CIZ1: variants seen among roughly 807,000 people sequenced by gnomAD.
CIZ1 encodes CDKN1A interacting zinc finger protein 1.
CIZ1 carries 58 observed loss-of-function variants against 118.6 expected under a neutral mutation model. The ratio of observed to expected loss-of-function variants is 0.49; its 90% confidence interval spans 0.40 to 0.61. The LOEUF (loss-of-function observed/expected upper bound fraction) is 0.61. Among genes scored for constraint, CIZ1 ranks in the 20% least tolerant of loss-of-function variants. CIZ1 has a pLI of 0.00. For synonymous variants in CIZ1, 448 were observed against 443.4 expected, an observed-to-expected ratio of 1.01 and a Z score of -0.13; for missense variants, 921 against 1,115.9, an observed-to-expected ratio of 0.83 and a Z score of 2.49.
At chr9:128,173,064 G>A (rs1176199237) in intron 11 of CIZ1, among the ~76,000 whole-genome samples, 5 of 150,324 alleles carry the variant, frequency 3.3e-5, no homozygotes, top group Admixed American at 6.6e-5. Flanking sequence ...TCCTGGGCTC[G>A]AGCAATCCTC....
At chr9:128,196,502 C>T (rs1012536041), upstream of CIZ1, among the ~76,000 whole-genome samples, 2 of 150,916 alleles carry the variant, frequency 1.3e-5, no homozygotes, top group Non-Finnish European at 2.9e-5. Flanking sequence ...GAGCCACGAT[C>T]GTGCCACTGC....
Position 128,185,535 on chromosome 9 carries a change from C to T in CIZ1, c.588+12G>A, listed in dbSNP as rs768463512. 2.0e-6 allele frequency: 3 copies of T among 1,491,230 alleles called. No homozygotes were observed. Among genetic ancestry groups the T allele is most frequent in the South Asian group, 1.3e-5 (1 of 74,556 alleles). The allele number at this position is 1,491,230 out of a possible 1,614,324, so 92.4% of individuals were successfully genotyped here. ...CCCCTCCCGCCCACTCCCATCCCCA[C>T]CTACCACTCACCTTTCGATTGGGGG... On this transcript the variant is annotated intron_variant, in intron 5 of 16. Coordinates refer to ENST00000372938, the MANE Select transcript of CIZ1 (RefSeq NM_001131016.2).
chr9:128,184,663 T>A (rs1036568685), intron 5 of CIZ1, among the ~76,000 whole-genome samples: 1 of 151,916 alleles, frequency 6.6e-6, no homozygotes, highest in African/African-American at 2.4e-5. Flanking sequence ...CTGATAATTT[T>A]ATTTTTATTT....
At chr9:128,200,215 T>C (rs899428031) in intron 1 of CIZ1, 1 of 151,988 alleles carries the variant, frequency 6.6e-6, no homozygotes, top group African/African-American at 2.4e-5. Flanking sequence ...AAAATGAATA[T>C]GTGCATATAT....
chr9:128,177,542 C>CCCCCCCAAAAA, intron 10 of CIZ1, 24 bp downstream of exon 10: 30 of 1,229,478 alleles, frequency 2.4e-5, no homozygotes, highest in Non-Finnish European at 3.2e-5. Flanking sequence ...CACCCCTCCC[C>CCCCCCCAAAAA]ACCCTTATCT....
chr9:128,188,078 C>CCAAAAAAAAAAAAAAAA (rs1832648483), intron 3 of CIZ1, 144 bp from the exon 4 acceptor site: 1 of 150,008 alleles, frequency 6.7e-6, no homozygotes, highest in Non-Finnish European at 1.1e-5. Context: ...CAAAACAAAA[C>CCAAAAAAAAAAAAAAAA]AAAACAAAAA....
chr9:128,203,767 C>T lies in CIZ1; in HGVS notation c.-6+419G>A, dbSNP rs1833650473. The T allele has an allele frequency of 1.2e-6, 1 of 800,996 alleles. No homozygotes were observed. Among genetic ancestry groups the T allele is most frequent in the East Asian group, 4.0e-5 (1 of 25,086 alleles). The allele number at this position is 800,996 out of a possible 1,614,324, so 49.6% of individuals were successfully genotyped here. A position where few individuals can be genotyped will look rare whatever the true frequency, so the allele number is the denominator to read the frequency against. On this transcript the variant is annotated intron_variant, in intron 1 of 17. Coordinates refer to the CIZ1 transcript ENST00000372948. The surrounding 1 kb of genome is among the most constrained non-coding windows in gnomAD (Gnocchi z 5.3). ...GGCCGGCGCGCCCCCCACCCCCAGC[C>T]GGAGCGAGGAGGCCCTCCCCCCACC... is the stretch of plus-strand genomic sequence containing the variant.
chr9:128,190,889 AG>A, intron 1 of CIZ1, 27 bp from the exon 2 acceptor site: 1 of 1,518,562 alleles, frequency 6.6e-7, no homozygotes, highest in Non-Finnish European at 8.8e-7. Flanking sequence ...GAGTGAGGCA[AG>A]GGGTCCCCAC....
chr9:128,177,502 G>C, intron 10 of CIZ1, 64 bp downstream of exon 10: 1 of 1,169,086 alleles, frequency 8.6e-7, no homozygotes, highest in Admixed American at 3.0e-5. Flanking sequence ...GCATTCTTGG[G>C]AGGGCAGGCT....
intron 6 of CIZ1, 36 bp downstream of exon 6, chr9:128,180,685 T>G: frequency 6.7e-7 from 1 of 1,491,294 alleles, no homozygotes; most frequent in Non-Finnish European, 9.3e-7. Context: ...ACCCCATTCA[T>G]GTCCCTCTGA....
upstream of CIZ1, among the ~76,000 whole-genome samples, chr9:128,194,958 C>T (rs540958454): frequency 2.0e-5 from 3 of 152,282 alleles, no homozygotes; most frequent in South Asian, 6.2e-4. Context: ...GCTAGGACTA[C>T]AAGTCCATGC....
In CIZ1 at chr9:128,190,748, T is replaced by A; in HGVS notation, c.110A>T (p.Gln37Leu). The change falls in exon 2 of 17, where the codon CAG becomes CTG. Residue 37 changes from glutamine to leucine, a missense_variant. Coordinates refer to ENST00000372938, the MANE Select transcript of CIZ1 (RefSeq NM_001131016.2). ...QQQLQQQQLL[Q>L]LQQLLQQSPP... The stretch of plus-strand genomic sequence containing the variant: ...GGACTGCTGGAGCAGCTGCTGGAGC[T>A]GCAGTAACTGCTGCTGCTGCAATTG... The A allele has an allele frequency of 1.9e-6, 3 of 1,543,252 alleles. No homozygotes were observed. The highest frequency in any genetic ancestry group is 1.7e-6 in the Non-Finnish European group (2 of 1,143,046).
At chr9:128,197,312 A>G (rs533249481) in intron 1 of CIZ1, 2 of 152,384 alleles carry the variant, frequency 1.3e-5, no homozygotes, top group East Asian at 1.9e-4. Flanking sequence ...ATCTGTGTCC[A>G]TCACCCTACA....
In CIZ1 at chr9:128,190,875, A is replaced by G. The variant is rs1261143129; in HGVS notation, c.-5-13T>C. ...CTGAACATGGTGGCTAGGGGCAGAA[A>G]GCAGAGTGAGGCAAGGGGTCCCCAC... On this transcript the variant is annotated splice_polypyrimidine_tract_variant and intron_variant, in intron 1 of 16. Transcript: ENST00000372938. 6.5e-7 allele frequency: 1 copy of G among 1,530,404 alleles called. No individual in the cohort carries two copies. The allele number at this position is 1,530,404 out of a possible 1,614,324, so 94.8% of individuals were successfully genotyped here.
intron 11 of CIZ1, 58 bp downstream of exon 11, chr9:128,176,293 C>A: frequency 6.3e-7 from 1 of 1,592,894 alleles, no homozygotes; most frequent in Non-Finnish European, 8.6e-7. Context: ...TAGATTCAGG[C>A]CCTGGCCGAT....
chr9:128,173,605 T>G (rs1830437259), intron 11 of CIZ1, among the ~76,000 whole-genome samples: 2 of 152,114 alleles, frequency 1.3e-5, no homozygotes, highest in South Asian at 4.1e-4. Context: ...TGCATTTTGA[T>G]CTCTGTGAGA....
chr9:128,176,296 T>C, intron 11 of CIZ1, 55 bp downstream of exon 11: 1 of 1,596,560 alleles, frequency 6.3e-7, no homozygotes. Flanking sequence ...ATTCAGGCCC[T>C]GGCCGATGAG....
At chr9:128,172,167 A>AG (rs1830217755) in intron 11 of CIZ1, among the ~76,000 whole-genome samples, 1 of 149,296 alleles carries the variant, frequency 6.7e-6, no homozygotes, top group African/African-American at 2.5e-5. Context: ...AAAAAAAAAA[A>AG]AAAAAAAAAA....
In CIZ1 at chr9:128,175,828, C is replaced by T. The variant is rs45594635; in HGVS notation, c.1943+523G>A. On this transcript the variant is annotated intron_variant, in intron 11 of 16. Coordinates refer to ENST00000372938, the MANE Select transcript of CIZ1 (RefSeq NM_001131016.2). ...GTCCTGCTGCTGAGATGACACATCC[C>T]AGCCCTTGCACACCTCTATGACTGC... Among the ~76,000 whole-genome samples the T allele has an allele frequency of 1.5e-3, 227 of 152,244 alleles. 2 individuals are homozygous for T. The highest frequency in any genetic ancestry group is 5.2e-3 in the African/African-American group (218 of 41,538).
Sources: gnomAD v4.1 joint callset for allele counts (sites outside exome capture counted in the v4.1 genomes callset) on GRCh38, gnomAD v4.1.1 for gene constraint, Gnocchi (gnomAD v3.1) non-coding constraint, MANE v1.5 for transcripts, NCBI Gene and HGNC (gene_info 2026-07-23, HGNC 2026-07-21) for gene names.